The following PRELID2 variants were observed in gnomAD, a reference collection of about 807,000 sequenced individuals.
PRELID2 encodes PRELI domain-containing protein 2.
Under a neutral mutation model 28.4 loss-of-function variants are expected in PRELID2, and 25 were observed. That is an observed-to-expected ratio of 0.88 (90% CI 0.64 to 1.23). The LOEUF is 1.23. PRELID2 is among the 50% of genes most tolerant of loss of function. PRELID2 has a pLI of 0.00. For synonymous variants in PRELID2, 76 were observed against 71.6 expected (o/e 1.06, Z -0.31); for missense variants, 201 against 214.4 (o/e 0.94, Z 0.39).
intron 1 of PRELID2, among the ~76,000 whole-genome samples, chr5:145,722,226 C>T (rs188412635): frequency 1.3e-4 from 20 of 152,030 alleles, no homozygotes; most frequent in East Asian, 5.8e-4. Flanking sequence ...GAAATATTAC[C>T]GACAACACTC....
the PRELID2 span, among the ~76,000 whole-genome samples, chr5:145,386,809 G>C: frequency 6.6e-6 from 1 of 152,094 alleles, no homozygotes; most frequent in Non-Finnish European, 1.5e-5. Context: ...CACTTGATAT[G>C]GTCATTTTTA....
At chr5:145,260,066 G>T in the PRELID2 span, among the ~76,000 whole-genome samples, 1 of 151,956 alleles carries the variant, frequency 6.6e-6, no homozygotes, top group African/African-American at 2.4e-5. Flanking sequence ...ACCTCCCCTC[G>T]CACTCTCTTT....
chr5:145,378,820 T>C, the PRELID2 span, among the ~76,000 whole-genome samples: 1 of 152,208 alleles, frequency 6.6e-6, no homozygotes. Context: ...TCAGAACCCT[T>C]GCTAGAGAGG....
the PRELID2 span, among the ~76,000 whole-genome samples, chr5:145,443,286 C>T: frequency 6.6e-6 from 1 of 152,068 alleles, no homozygotes; most frequent in African/African-American, 2.4e-5. Flanking sequence ...CTCCCTATAT[C>T]TCTGTGCTCT....
chr5:145,743,535 G>C (rs112952190), intron 1 of PRELID2, among the ~76,000 whole-genome samples: 1 of 152,056 alleles, frequency 6.6e-6, no homozygotes, highest in Non-Finnish European at 1.5e-5. Flanking sequence ...AGGCTGGCAG[G>C]ATCCATGGAG....
At chr5:145,368,800 GT>G in the PRELID2 span, among the ~76,000 whole-genome samples, 46 of 150,484 alleles carry the variant, frequency 3.1e-4, 1 homozygote, top group African/African-American at 1.1e-3. Flanking sequence ...TTTTGTTGTT[GT>G]TTTTTTTCAT....
intron 1 of PRELID2, among the ~76,000 whole-genome samples, chr5:145,581,828 G>C (rs1020134627): frequency 6.6e-6 from 1 of 152,020 alleles, no homozygotes; most frequent in Non-Finnish European, 1.5e-5. Context: ...CACATAGTGA[G>C]GGAAAACATC....
intron 2 of PRELID2, among the ~76,000 whole-genome samples, chr5:145,822,080 G>A (rs1754868495): frequency 6.6e-6 from 1 of 152,140 alleles, no homozygotes; most frequent in African/African-American, 2.4e-5. Context: ...CAAGCACAGA[G>A]AGGGCTTCAG....
chr5:145,823,672 A>C (rs1754983192), intron 1 of PRELID2, among the ~76,000 whole-genome samples: 1 of 152,206 alleles, frequency 6.6e-6, no homozygotes, highest in African/African-American at 2.4e-5. Context: ...CTGTGGTCTA[A>C]TATCATTGTC....
chr5:145,753,661 A>G (rs542506304), downstream of PRELID2, among the ~76,000 whole-genome samples: 95 of 152,200 alleles, frequency 6.2e-4, no homozygotes, highest in East Asian at 9.7e-4. Context: ...TCACCTTGGG[A>G]GCTACATGCA....
chr5:145,389,039 T>G, the PRELID2 span, among the ~76,000 whole-genome samples: 1 of 152,282 alleles, frequency 6.6e-6, no homozygotes, highest in African/African-American at 2.4e-5. Flanking sequence ...GACCAGCACA[T>G]AATAGATGCT....
At chr5:145,497,331 GA>G (rs1270397152) in intron 1 of PRELID2, among the ~76,000 whole-genome samples, 2 of 151,944 alleles carry the variant, frequency 1.3e-5, no homozygotes, top group Non-Finnish European at 2.9e-5. Context: ...CTCATAGTAG[GA>G]AAAAAATGCA....
the PRELID2 span, among the ~76,000 whole-genome samples, chr5:145,309,145 C>T: frequency 6.6e-6 from 1 of 152,224 alleles, no homozygotes; most frequent in Non-Finnish European, 1.5e-5. Flanking sequence ...TGTTTGATGC[C>T]TGAGGTCTTT....
the PRELID2 span, among the ~76,000 whole-genome samples, chr5:145,294,608 C>G: frequency 3.3e-5 from 5 of 152,160 alleles, no homozygotes; most frequent in East Asian, 7.7e-4. Flanking sequence ...ATTGGACACC[C>G]GCTAAAGTTT....
intron 1 of PRELID2, among the ~76,000 whole-genome samples, chr5:145,542,945 T>C (rs1752757336): frequency 6.6e-6 from 1 of 152,018 alleles, no homozygotes. Flanking sequence ...CTCACCTGCT[T>C]TTAGTCTCCT....
intron 5 of PRELID2, among the ~76,000 whole-genome samples, chr5:145,777,256 G>A (rs892753861): frequency 2.0e-5 from 3 of 152,160 alleles, no homozygotes; most frequent in Admixed American, 1.3e-4. Context: ...AGGCTGGAGT[G>A]CAGCAGTTCA....
chr5:145,720,613 A>G (rs1755961918), intron 1 of PRELID2, among the ~76,000 whole-genome samples: 1 of 152,096 alleles, frequency 6.6e-6, no homozygotes, highest in Non-Finnish European at 1.5e-5. Context: ...TGAAGAAACT[A>G]CTAAAGGACT....
At chr5:145,504,908 C>T (rs1166837833) in intron 1 of PRELID2, among the ~76,000 whole-genome samples, 2 of 152,144 alleles carry the variant, frequency 1.3e-5, no homozygotes, top group Non-Finnish European at 2.9e-5. Context: ...TGGTTGAACA[C>T]CAATATATTC....
the PRELID2 span, among the ~76,000 whole-genome samples, chr5:145,251,100 A>G: frequency 6.6e-6 from 1 of 152,156 alleles, no homozygotes; most frequent in Non-Finnish European, 1.5e-5. Context: ...TCAGATGTAC[A>G]TCTAGATAAA....
Sources: gnomAD v4.1 joint callset for allele counts (sites outside exome capture counted in the v4.1 genomes callset) on GRCh38, gnomAD v4.1.1 for gene constraint, MANE v1.5 for transcripts, NCBI Gene and HGNC (gene_info 2026-07-23, HGNC 2026-07-21) for gene names.